PTGES3: variants seen among roughly 807,000 people sequenced by gnomAD.
The protein encoded by PTGES3 is Hsp90 co-chaperone.
In PTGES3, 5 loss-of-function variants were observed where a neutral mutation model predicts 29.9. The observed-to-expected ratio is 0.17, with a 90% CI of 0.09 to 0.35. PTGES3 has a LOEUF of 0.35. PTGES3 is among the 10% of genes least tolerant of loss of function. PTGES3 has a pLI of 1.00. For synonymous variants in PTGES3, 49 were observed against 57.8 expected (o/e 0.85, Z 0.69); for missense variants, 128 against 190.0 (o/e 0.67, Z 1.92).
At chr12:56,683,969 A>C (rs550763674) in intron 1 of PTGES3, among the ~76,000 whole-genome samples, 3 of 145,908 alleles carry the variant, frequency 2.1e-5, no homozygotes, top group South Asian at 2.1e-4. Flanking sequence ...AAAAAAAAAA[A>C]AACAAAAAAA....
intron 1 of PTGES3, among the ~76,000 whole-genome samples, chr12:56,681,122 C>T (rs1302513036): frequency 6.6e-6 from 1 of 152,042 alleles, no homozygotes; most frequent in East Asian, 1.9e-4. Flanking sequence ...AGTTTTTGCT[C>T]TTGTTGTCCA....
chr12:56,671,922 C>G, intron 3 of PTGES3, 75 bp from the exon 4 acceptor site: 1 of 902,550 alleles, frequency 1.1e-6, no homozygotes, highest in Non-Finnish European at 1.6e-6. Flanking sequence ...TGTCATTTCT[C>G]ACCTTTCTCA....
At chr12:56,680,640 C>T (rs958945184) in intron 1 of PTGES3, among the ~76,000 whole-genome samples, 2 of 152,088 alleles carry the variant, frequency 1.3e-5, no homozygotes, top group Non-Finnish European at 2.9e-5. Flanking sequence ...TTCAGCCTCC[C>T]AAAGTGCTGG....
intron 5 of PTGES3, among the ~76,000 whole-genome samples, chr12:56,667,459 T>C (rs1951832163): frequency 6.6e-6 from 1 of 152,226 alleles, no homozygotes; most frequent in South Asian, 2.1e-4. Flanking sequence ...CAATGGAATG[T>C]GTTCAGCCTA....
At chr12:56,667,190 G>A (rs889361478) in intron 5 of PTGES3, among the ~76,000 whole-genome samples, 10 of 152,328 alleles carry the variant, frequency 6.6e-5, no homozygotes, top group Admixed American at 6.5e-4. Context: ...AAAGTGCTGG[G>A]ATTACAGGAG....
intron 1 of PTGES3, among the ~76,000 whole-genome samples, chr12:56,683,748 A>G (rs1592282841): frequency 1.3e-5 from 2 of 151,894 alleles, no homozygotes; most frequent in East Asian, 1.9e-4. Context: ...TCACGAGATC[A>G]GGAGATCGAG....
chr12:56,687,588 C>G, intron 1 of PTGES3: 3 of 1,063,662 alleles, frequency 2.8e-6, no homozygotes, highest in Non-Finnish European at 2.3e-6. Flanking sequence ...GACTCAGGGC[C>G]TGGCCCCGGG....
intron 5 of PTGES3, among the ~76,000 whole-genome samples, chr12:56,667,682 G>A (rs1197072653): frequency 6.6e-6 from 1 of 152,230 alleles, no homozygotes; most frequent in African/African-American, 2.4e-5. Context: ...GGAGCTGGGG[G>A]GAAGGAAAAT....
chr12:56,679,276 G>T (rs1426121833), intron 1 of PTGES3, among the ~76,000 whole-genome samples: 2 of 152,010 alleles, frequency 1.3e-5, no homozygotes, highest in African/African-American at 4.8e-5. Context: ...GGGCATGGTA[G>T]CATACCTGTA....
rs1177350725 is a variant in PTGES3 at position 56,675,004 on chromosome 12, CAAAAA to C, written c.3-1944_3-1940del. Among the ~76,000 whole-genome samples the C allele has an allele frequency of 8.7e-4, 28 of 32,356 alleles. 1 individual carries two copies. The East Asian group carries it at 0.013, about 16-fold the overall frequency. 21.2% of individuals were successfully genotyped at this position (32,356 alleles called of 152,430 possible). A position where few individuals can be genotyped will look rare whatever the true frequency, so the allele number is the denominator to read the frequency against. On this transcript the variant is annotated intron_variant, in intron 1 of 7. Coordinates refer to ENST00000262033, the MANE Select transcript of PTGES3 (RefSeq NM_006601.7). ...GGGCAACAAGAGTGAAACTCGGTCT[CAAAAA>C]AAAAAAAAAAAAAAAAAAGTGCTGG...
chr12:56,675,171 G>A (rs1317512256), intron 1 of PTGES3, among the ~76,000 whole-genome samples: 2 of 151,674 alleles, frequency 1.3e-5, no homozygotes, highest in East Asian at 1.9e-4. Flanking sequence ...GTGGTGGCAC[G>A]TACCTGTAGT....
rs186991965 is a variant in PTGES3 at position 56,674,456 on chromosome 12, C to A, written c.3-1391G>T. On this transcript the variant is annotated intron_variant, in intron 1 of 7. Transcript: ENST00000262033. ...CCTGTAATCCCAGCACTTTGGGAGG[C>A]GAGGCAGGTGGATCACCTGAGGTCG... Among the ~76,000 whole-genome samples, 12 of 151,562 alleles carry A rather than the reference C, an allele frequency of 7.9e-5. No homozygotes were observed. In the East Asian group the frequency reaches 2.1e-3, roughly 27 times the overall value.
intron 1 of PTGES3, among the ~76,000 whole-genome samples, chr12:56,676,449 A>T (rs1952253556): frequency 6.6e-6 from 1 of 152,136 alleles, no homozygotes; most frequent in South Asian, 2.1e-4. Context: ...GAGAGTCTAA[A>T]ATTTGTTATG....
chr12:56,669,344 CACT>C (rs1367948689), intron 5 of PTGES3, among the ~76,000 whole-genome samples: 2 of 152,172 alleles, frequency 1.3e-5, no homozygotes, highest in South Asian at 2.1e-4. Context: ...AGGCATGCAC[CACT>C]ACGCCCAGCT....
chr12:56,675,845 A>G (rs989198582), intron 1 of PTGES3, among the ~76,000 whole-genome samples: 3 of 152,080 alleles, frequency 2.0e-5, no homozygotes, highest in Admixed American at 2.0e-4. Context: ...ATCGCTTGAA[A>G]TAAGGAGGTG....
chr12:56,681,614 C>G (rs1351269877), intron 1 of PTGES3, among the ~76,000 whole-genome samples: 1 of 150,088 alleles, frequency 6.7e-6, no homozygotes, highest in Non-Finnish European at 1.5e-5. Flanking sequence ...TTTGGGAGGC[C>G]AAGGCGGCAG....
chr12:56,687,003 GTCA>G (rs1952897820), intron 1 of PTGES3: 7 of 66,616 alleles, frequency 1.1e-4, no homozygotes, highest in Non-Finnish European at 1.3e-4. Flanking sequence ...ATAACCTCCC[GTCA>G]AAAAAAAAAA....
At chr12:56,687,415 C>A in intron 1 of PTGES3, 1 of 987,554 alleles carries the variant, frequency 1.0e-6, no homozygotes, top group Non-Finnish European at 1.2e-6. Context: ...ACTGGAAGTA[C>A]CCACACTCAA....
At chr12:56,676,228 C>A (rs997131733) in intron 1 of PTGES3, among the ~76,000 whole-genome samples, 3 of 73,510 alleles carry the variant, frequency 4.1e-5, no homozygotes, top group Admixed American at 1.4e-4. Flanking sequence ...TGTGTCTCCC[C>A]CCCCAAAAAA....
Sources: gnomAD v4.1 joint callset for allele counts (sites outside exome capture counted in the v4.1 genomes callset) on GRCh38, gnomAD v4.1.1 for gene constraint, MANE v1.5 for transcripts, NCBI Gene and HGNC (gene_info 2026-07-23, HGNC 2026-07-21) for gene names.